The following SLC24A4 variants were observed in gnomAD, a reference collection of about 807,000 sequenced individuals.
SLC24A4 encodes solute carrier family 24 member 4.
Under a neutral mutation model 79.0 loss-of-function variants are expected in SLC24A4, and 53 were observed. The ratio of observed to expected loss-of-function variants is 0.67; its 90% CI spans 0.54 to 0.84. The LOEUF (loss-of-function observed/expected upper bound fraction) is 0.84, where lower values mean the gene tolerates loss of function less well. SLC24A4 is among the 40% of genes least tolerant of loss of function. The pLI, the probability that SLC24A4 is intolerant of heterozygous loss-of-function variation, is 0.00. For synonymous variants in SLC24A4, 323 were observed against 323.8 expected, an observed-to-expected ratio of 1.00 and a Z score of 0.03; for missense variants, 731 against 822.0, an observed-to-expected ratio of 0.89 and a Z score of 1.35.
At chr14:92,346,588 A>G (rs1206464278) in intron 2 of SLC24A4, among the ~76,000 whole-genome samples, 1 of 152,196 alleles carries the variant, frequency 6.6e-6, no homozygotes, top group Non-Finnish European at 1.5e-5. Flanking sequence ...CTTATGTTCA[A>G]GCTGTTATTT....
intron 2 of SLC24A4, among the ~76,000 whole-genome samples, chr14:92,331,362 C>T (rs1566689858): frequency 6.6e-6 from 1 of 152,204 alleles, no homozygotes; most frequent in Admixed American, 6.5e-5. Context: ...CAGCTTACTG[C>T]AGTCTCGACC....
intron 2 of SLC24A4, among the ~76,000 whole-genome samples, chr14:92,410,821 G>C (rs764881455): frequency 6.6e-6 from 1 of 152,232 alleles, no homozygotes; most frequent in South Asian, 2.1e-4. Flanking sequence ...CTGGATGAAG[G>C]TGTGGAGTGC....
At chr14:92,372,557 C>T (rs962396740) in intron 2 of SLC24A4, among the ~76,000 whole-genome samples, 1 of 152,104 alleles carries the variant, frequency 6.6e-6, no homozygotes, top group African/African-American at 2.4e-5. Context: ...TGTGTTAGGG[C>T]CTGAGCACAT....
At chr14:92,444,532 A>T (rs1038940801) in intron 7 of SLC24A4, among the ~76,000 whole-genome samples, 1 of 152,236 alleles carries the variant, frequency 6.6e-6, no homozygotes, top group African/African-American at 2.4e-5. Flanking sequence ...AGGATTCACT[A>T]AAACGATGTA....
At chr14:92,380,515 C>A (rs1206173253) in intron 2 of SLC24A4, among the ~76,000 whole-genome samples, 2 of 152,226 alleles carry the variant, frequency 1.3e-5, no homozygotes, top group African/African-American at 2.4e-5. Flanking sequence ...GGTGCCTCAG[C>A]CCGCACTAAA....
chr14:92,491,738 G>T lies in SLC24A4; in HGVS notation c.1611G>T (p.Pro537=). The T allele has an allele frequency of 1.9e-6, 3 of 1,613,894 alleles. No individual in the cohort carries two copies. The highest frequency in any genetic ancestry group is 2.5e-6 in the Non-Finnish European group (3 of 1,179,800). ...ACATCCTGGTAGGACTTGGTGTACCGTGGGGCCTGCAGACCATGGTTGTTA... is the reference window on the plus strand; with the variant it reads ...ACATCCTGGTAGGACTTGGTGTACCTTGGGGCCTGCAGACCATGGTTGTTA... ...VFDILVGLGV[P]WGLQTMVVNY... The change falls in exon 15 of 17, where the codon CCG becomes CCT. Residue 537 remains proline (P), a synonymous_variant. Transcript: ENST00000532405.
At chr14:92,492,261 AAC>A in intron 16 of SLC24A4, 21 bp downstream of exon 16, 1 of 1,611,010 alleles carries the variant, frequency 6.2e-7, no homozygotes, top group Non-Finnish European at 8.5e-7. Flanking sequence ...ACAATTCCAA[AAC>A]AGATGCCTCA....
At chr14:92,447,710 G>A (rs931242297) in intron 9 of SLC24A4, among the ~76,000 whole-genome samples, 5 of 152,208 alleles carry the variant, frequency 3.3e-5, no homozygotes, top group South Asian at 2.1e-4. Flanking sequence ...CCTCTTTCCC[G>A]CCCTGCTCTG....
Position 92,441,467 on chromosome 14 carries a change from G to A in SLC24A4, c.394-622G>A, listed in dbSNP as rs566390567. ...TGAGCCACTGGATGTCAGGCCTGCC[G>A]TGGAGAAGGCCTTCCAGAATGCAAG... is the stretch of plus-strand genomic sequence containing the variant. On this transcript the variant is annotated intron_variant, in intron 4 of 16. Coordinates refer to ENST00000532405, the MANE Select transcript of SLC24A4 (RefSeq NM_153646.4). The surrounding 1 kb of genome is among the most constrained non-coding windows in gnomAD (Gnocchi z 4.6). Among the ~76,000 whole-genome samples, 12 of 152,332 alleles carry A rather than the reference G, an allele frequency of 7.9e-5. No homozygotes were observed. Among genetic ancestry groups the A allele is most frequent in the Non-Finnish European group, 1.3e-4 (9 of 68,036 alleles).
chr14:92,378,063 T>C (rs192827267), intron 2 of SLC24A4, among the ~76,000 whole-genome samples: 35 of 152,198 alleles, frequency 2.3e-4, no homozygotes, highest in African/African-American at 8.4e-4. Flanking sequence ...AGGAAATGGG[T>C]CTGCTTGCAG....
chr14:92,367,063 C>T (rs1340447490), intron 2 of SLC24A4, among the ~76,000 whole-genome samples: 1 of 152,152 alleles, frequency 6.6e-6, no homozygotes, highest in African/African-American at 2.4e-5. Flanking sequence ...GTGGACACCC[C>T]GGGTACCATC....
At chr14:92,343,704 T>TTCCTTC (rs1566700444) in intron 2 of SLC24A4, among the ~76,000 whole-genome samples, 35 of 29,484 alleles carry the variant, frequency 1.2e-3, no homozygotes, top group Non-Finnish European at 2.2e-3. Flanking sequence ...TTCCTTCCTT[T>TTCCTTC]CTTTCTTTCT....
chr14:92,372,867 C>CCCCTCCTTCCTTCCTTCCTT (rs1279675384), intron 2 of SLC24A4, among the ~76,000 whole-genome samples: 11 of 109,896 alleles, frequency 1.0e-4, no homozygotes, highest in Admixed American at 3.7e-4. Context: ...GGGTCACTGT[C>CCCCTCCTTCCTTCCTTCCTT]CCTTCCTTCC....
At position 92,442,141 on chromosome 14, in the gene SLC24A4, G is replaced by T. The variant is rs751631654; in HGVS notation, c.446G>T (p.Ser149Ile). 5 of 1,613,976 alleles carry T rather than the reference G, an allele frequency of 3.1e-6. No individual in the cohort carries two copies. The South Asian group carries it at 5.5e-5, about 18-fold the overall frequency. Residue 149 changes from serine to isoleucine, a missense_variant, in exon 5 of 17, where the codon AGC (serine) becomes ATC (isoleucine). Transcript: ENST00000532405. ...VAGATFMAAG[S>I]STPELFASVI... is the part of the protein sequence containing the mutation. ...GGAGCCACCTTCATGGCTGCAGGAA[G>T]CTCAACGCCAGAGCTGTTTGCGTCT...
At chr14:92,409,215 A>C (rs540956014) in intron 2 of SLC24A4, among the ~76,000 whole-genome samples, 1 of 152,190 alleles carries the variant, frequency 6.6e-6, no homozygotes, top group Non-Finnish European at 1.5e-5. Flanking sequence ...CAGGAAGTTG[A>C]TGTCACAACT....
chr14:92,338,730 C>G (rs537539343), intron 2 of SLC24A4, among the ~76,000 whole-genome samples: 5 of 152,354 alleles, frequency 3.3e-5, no homozygotes, highest in African/African-American at 9.6e-5. Flanking sequence ...TGAAAAAAAT[C>G]ACCCTACTTA....
At chr14:92,442,867 G>A (rs769061294) in intron 6 of SLC24A4, 51 bp downstream of exon 6, 1 of 1,439,672 alleles carries the variant, frequency 6.9e-7, no homozygotes, top group South Asian at 1.1e-5. Context: ...AAGCGTGGGG[G>A]ATGAGCCTCT....
chr14:92,337,822 T>G (rs535009535), intron 2 of SLC24A4, among the ~76,000 whole-genome samples: 12 of 152,088 alleles, frequency 7.9e-5, no homozygotes, highest in Admixed American at 5.2e-4. Flanking sequence ...CTTACAGGAG[T>G]GCCTGGCATG....
At chr14:92,427,526 T>C (rs1343449215) in intron 2 of SLC24A4, among the ~76,000 whole-genome samples, 1 of 152,206 alleles carries the variant, frequency 6.6e-6, no homozygotes, top group Non-Finnish European at 1.5e-5. Context: ...AGAGAGGACC[T>C]GGGGACACCA....
Sources: gnomAD v4.1 joint callset for allele counts (sites outside exome capture counted in the v4.1 genomes callset) on GRCh38, gnomAD v4.1.1 for gene constraint, Gnocchi (gnomAD v3.1) non-coding constraint, MANE v1.5 for transcripts, NCBI Gene and HGNC (gene_info 2026-07-23, HGNC 2026-07-21) for gene names.